The following PDE1C variants were observed in gnomAD, a reference collection of about 807,000 sequenced individuals.
PDE1C encodes the protein dual specificity calcium/calmodulin-dependent 3',5'-cyclic nucleotide phosphodiesterase 1C.
Under a neutral mutation model 93.1 loss-of-function variants are expected in PDE1C, and 62 were observed. That is an observed-to-expected ratio of 0.67 (90% CI 0.54 to 0.82). The LOEUF (loss-of-function observed/expected upper bound fraction) is 0.82. Ranked by LOEUF, PDE1C falls within the 40% of genes least tolerant of loss-of-function variation. PDE1C has a pLI of 0.00. For missense variants in PDE1C, 742 were observed against 884.6 expected (o/e 0.84, Z 2.04); for synonymous variants, 325 against 310.1 (o/e 1.05, Z -0.50).
At chr7:32,006,094 G>C (rs1234942275) in intron 2 of PDE1C, among the ~76,000 whole-genome samples, 1 of 151,912 alleles carries the variant, frequency 6.6e-6, no homozygotes, top group East Asian at 1.9e-4. Context: ...GGTTCCATTA[G>C]TTCTGACTGA....
chr7:31,654,949 A>G, the PDE1C span, among the ~76,000 whole-genome samples: 1 of 151,974 alleles, frequency 6.6e-6, no homozygotes, highest in African/African-American at 2.4e-5. Flanking sequence ...GGACCACCAC[A>G]CTATTTTTCC....
intron 2 of PDE1C, among the ~76,000 whole-genome samples, chr7:31,979,332 T>C (rs1812086362): frequency 6.6e-6 from 1 of 152,176 alleles, no homozygotes; most frequent in Admixed American, 6.5e-5. Context: ...TTTCTATCTC[T>C]AAAATGGAAT....
chr7:31,856,741 A>G (rs1162969845), intron 7 of PDE1C, among the ~76,000 whole-genome samples: 2 of 148,510 alleles, frequency 1.3e-5, no homozygotes, highest in African/African-American at 5.0e-5. Flanking sequence ...ATTTAAATGC[A>G]TGGCCTCTGA....
chr7:31,918,110 ACAGAT>A (rs1802159432), intron 2 of PDE1C, among the ~76,000 whole-genome samples: 1 of 151,864 alleles, frequency 6.6e-6, no homozygotes, highest in African/African-American at 2.4e-5. Flanking sequence ...ATTGTATCAG[ACAGAT>A]CAATTAGTAG....
At chr7:32,201,257 G>A (rs993858635) in intron 2 of PDE1C, among the ~76,000 whole-genome samples, 14 of 152,178 alleles carry the variant, frequency 9.2e-5, no homozygotes, top group African/African-American at 3.4e-4. Flanking sequence ...TCTGTCTCTT[G>A]CCGAAACCTA....
chr7:32,291,486 A>C (rs1285871693), intron 1 of PDE1C, among the ~76,000 whole-genome samples: 1 of 152,248 alleles, frequency 6.6e-6, no homozygotes, highest in Non-Finnish European at 1.5e-5. Context: ...CTGGAATCTG[A>C]TAGTTAGCAT....
chr7:31,835,622 A>G (rs1790992596), intron 11 of PDE1C, among the ~76,000 whole-genome samples: 1 of 152,170 alleles, frequency 6.6e-6, no homozygotes, highest in East Asian at 1.9e-4. Flanking sequence ...GGGTCTTAAG[A>G]AAACATCTCG....
the PDE1C span, among the ~76,000 whole-genome samples, chr7:31,625,168 G>T: frequency 1.9e-3 from 285 of 152,232 alleles, 3 homozygotes; most frequent in African/African-American, 6.5e-3. Flanking sequence ...CTTTTACATT[G>T]TTGGTGGGAC....
chr7:32,028,600 T>G (rs1029347629), intron 2 of PDE1C, among the ~76,000 whole-genome samples: 1 of 152,122 alleles, frequency 6.6e-6, no homozygotes, highest in Admixed American at 6.6e-5. Context: ...TATATATTTA[T>G]GGGGTACAAA....
chr7:32,116,033 A>T (rs1798968439), intron 3 of PDE1C, among the ~76,000 whole-genome samples: 1 of 152,238 alleles, frequency 6.6e-6, no homozygotes. Context: ...GGGATACTAC[A>T]AAGAGAAACA....
At chr7:32,274,478 G>A (rs1021470696) in intron 1 of PDE1C, among the ~76,000 whole-genome samples, 5 of 151,356 alleles carry the variant, frequency 3.3e-5, no homozygotes, top group African/African-American at 7.3e-5. Flanking sequence ...AAAATGCTGC[G>A]ATTACAAGTG....
At chr7:31,888,193 T>A (rs1798187649) in intron 2 of PDE1C, among the ~76,000 whole-genome samples, 1 of 130,726 alleles carries the variant, frequency 7.6e-6, no homozygotes, top group African/African-American at 3.0e-5. Context: ...GAGCTTGCAG[T>A]GAGCCGAGAT....
downstream of PDE1C, among the ~76,000 whole-genome samples, chr7:31,746,978 G>T (rs540992259): frequency 1.3e-5 from 2 of 152,228 alleles, no homozygotes; most frequent in East Asian, 3.9e-4. Context: ...AAGGTAGGTA[G>T]GTCTTCTTCT....
intron 2 of PDE1C, among the ~76,000 whole-genome samples, chr7:32,039,929 T>C (rs982086889): frequency 6.6e-6 from 1 of 152,230 alleles, no homozygotes; most frequent in African/African-American, 2.4e-5. Flanking sequence ...GTGGAACTTA[T>C]GATTTCTAAT....
intron 3 of PDE1C, among the ~76,000 whole-genome samples, chr7:32,113,575 C>A (rs954338489): frequency 6.6e-6 from 1 of 151,576 alleles, no homozygotes; most frequent in Non-Finnish European, 1.5e-5. Context: ...AAATAAATTT[C>A]TAATACTGAA....
chr7:31,933,411 C>G (rs1804600445), intron 2 of PDE1C, among the ~76,000 whole-genome samples: 1 of 152,142 alleles, frequency 6.6e-6, no homozygotes, highest in African/African-American at 2.4e-5. Context: ...ATGTCTAATA[C>G]AATTTTCCAG....
chr7:32,159,195 T>C (rs1801760751), intron 3 of PDE1C, among the ~76,000 whole-genome samples: 1 of 152,150 alleles, frequency 6.6e-6, no homozygotes, highest in Non-Finnish European at 1.5e-5. Context: ...AGGATGTAAT[T>C]GTAGAGTATG....
chr7:32,301,754 A>T (rs1490031390), upstream of PDE1C, among the ~76,000 whole-genome samples: 1 of 152,242 alleles, frequency 6.6e-6, no homozygotes, highest in Non-Finnish European at 1.5e-5. Flanking sequence ...CACTCAAGAA[A>T]GCCTGGGAAG....
intron 2 of PDE1C, among the ~76,000 whole-genome samples, chr7:31,987,893 C>G (rs926447141): frequency 5.3e-5 from 8 of 152,196 alleles, no homozygotes; most frequent in African/African-American, 1.9e-4. Context: ...TTCTCAGCTA[C>G]CCTGGATCTG....
Sources: gnomAD v4.1 joint callset for allele counts (sites outside exome capture counted in the v4.1 genomes callset) on GRCh38, gnomAD v4.1.1 for gene constraint, MANE v1.5 for transcripts, NCBI Gene and HGNC (gene_info 2026-07-23, HGNC 2026-07-21) for gene names.